Variants in STPG2 observed in about 807,000 individuals in gnomAD.
STPG2 encodes the protein sperm-tail PG-rich repeat-containing protein 2.
A neutral mutation model predicts 54.2 loss-of-function variants in STPG2; 56 were observed. The observed-to-expected ratio is 1.03, with a 90% CI of 0.83 to 1.29. STPG2 has a LOEUF of 1.29. STPG2 is among the 50% of genes most tolerant of loss of function. The probability of loss-of-function intolerance (pLI) is 0.00; values close to 1 mark genes in which losing one functional copy is unlikely to be tolerated. For synonymous variants in STPG2, 200 were observed against 181.8 expected, an observed-to-expected ratio of 1.10 and a Z score of -0.81; for missense variants, 596 against 544.9, an observed-to-expected ratio of 1.09 and a Z score of -0.93.
At chr4:97,810,279 C>A (rs1396348177) in intron 9 of STPG2, among the ~76,000 whole-genome samples, 2 of 152,000 alleles carry the variant, frequency 1.3e-5, no homozygotes, top group Non-Finnish European at 2.9e-5. Context: ...TCCTGGCCAA[C>A]ATGGTGAAAC....
At chr4:98,071,881 G>A (rs1394420200) in intron 5 of STPG2, among the ~76,000 whole-genome samples, 1 of 152,142 alleles carries the variant, frequency 6.6e-6, no homozygotes, top group African/African-American at 2.4e-5. Flanking sequence ...CAGTCAGAAT[G>A]GCAATCATTA....
intron 4 of STPG2, among the ~76,000 whole-genome samples, chr4:97,546,665 T>TA (rs1168985361): frequency 6.6e-6 from 1 of 152,124 alleles, no homozygotes; most frequent in East Asian, 1.9e-4. Flanking sequence ...CCAATGTTGC[T>TA]AAAAAACACT....
At chr4:98,121,870 C>T (rs1739691002) in intron 3 of STPG2, among the ~76,000 whole-genome samples, 1 of 152,000 alleles carries the variant, frequency 6.6e-6, no homozygotes, top group Admixed American at 6.6e-5. Flanking sequence ...TACAGGCGTG[C>T]ATCACCATGC....
At chr4:97,730,649 A>G (rs558712822) in intron 9 of STPG2, among the ~76,000 whole-genome samples, 89 of 152,322 alleles carry the variant, frequency 5.8e-4, no homozygotes, top group African/African-American at 2.0e-3. Flanking sequence ...CCTCTCTCAG[A>G]AATGCCAATG....
chr4:97,913,186 T>C (rs1731747109), intron 8 of STPG2, among the ~76,000 whole-genome samples: 1 of 152,202 alleles, frequency 6.6e-6, no homozygotes, highest in African/African-American at 2.4e-5. Context: ...ATAAATAAGC[T>C]GTCCTGGGAA....
intron 8 of STPG2, among the ~76,000 whole-genome samples, chr4:97,873,077 C>T (rs955469051): frequency 5.3e-5 from 8 of 151,294 alleles, no homozygotes; most frequent in African/African-American, 1.9e-4. Context: ...TACACATATA[C>T]GTATGTACAC....
rs182833298 is a variant in STPG2, at chr4:97,487,626, T to C, written c.462+225073A>G. Among the ~76,000 whole-genome samples, 635 of 151,656 alleles carry C rather than the reference T, an allele frequency of 4.2e-3. 3 individuals carry two copies. The highest frequency in any genetic ancestry group is 0.02 in the South Asian group (97 of 4,818). On this transcript the variant is annotated intron_variant, in intron 4 of 4. Transcript: ENST00000522676. ...TCAGAATATTTTTCTTTCTGAATGCTATGTAAAATGAGGCTTTTTACACTT... is the reference window on the plus strand; with the variant it reads ...TCAGAATATTTTTCTTTCTGAATGCCATGTAAAATGAGGCTTTTTACACTT...
At chr4:97,820,464 C>A (rs2149104185) in intron 9 of STPG2, among the ~76,000 whole-genome samples, 1 of 152,228 alleles carries the variant, frequency 6.6e-6, no homozygotes, top group South Asian at 2.1e-4. Context: ...GCAAAAACGA[C>A]AGTAGCTAGA....
intron 5 of STPG2, among the ~76,000 whole-genome samples, chr4:98,027,329 C>CA (rs1315551070): frequency 2.0e-5 from 3 of 152,154 alleles, no homozygotes; most frequent in African/African-American, 7.2e-5. Context: ...GTCTAGCCCA[C>CA]AAAGATTCAT....
intron 8 of STPG2, 81 bp from the exon 9 acceptor site, chr4:97,841,013 T>C: frequency 7.3e-7 from 1 of 1,362,824 alleles, no homozygotes; most frequent in South Asian, 1.4e-5. Context: ...ATGGTTACAG[T>C]AAGCAATGAA....
chr4:97,730,473 T>C (rs1724762539), intron 9 of STPG2, among the ~76,000 whole-genome samples: 1 of 152,298 alleles, frequency 6.6e-6, no homozygotes, highest in East Asian at 1.9e-4. Context: ...TATGGATGCA[T>C]GTGTTTTTTT....
chr4:97,691,324 T>C (rs1723355365), intron 10 of STPG2, among the ~76,000 whole-genome samples: 1 of 152,128 alleles, frequency 6.6e-6, no homozygotes, highest in Non-Finnish European at 1.5e-5. Context: ...AACTGTGCTG[T>C]TGTGGGGGCA....
intron 10 of STPG2, among the ~76,000 whole-genome samples, chr4:97,657,819 G>A: frequency 6.6e-6 from 1 of 152,148 alleles, no homozygotes; most frequent in East Asian, 1.9e-4. Flanking sequence ...AGAATGTTAT[G>A]CAAAGACATG....
chr4:97,840,422 A>G (rs2149121067), intron 9 of STPG2, among the ~76,000 whole-genome samples: 1 of 151,760 alleles, frequency 6.6e-6, no homozygotes, highest in East Asian at 1.9e-4. Flanking sequence ...AAATAACTTA[A>G]GTCTTTTACT....
At chr4:97,749,631 C>T (rs568316293) in intron 9 of STPG2, among the ~76,000 whole-genome samples, 1 of 151,774 alleles carries the variant, frequency 6.6e-6, no homozygotes, top group Non-Finnish European at 1.5e-5. Context: ...CGGAACAATG[C>T]CAAATTAGAA....
At chr4:97,510,714 G>C (rs1250262850) in intron 4 of STPG2, among the ~76,000 whole-genome samples, 1 of 152,052 alleles carries the variant, frequency 6.6e-6, no homozygotes, top group African/African-American at 2.4e-5. Flanking sequence ...CCTCACATGT[G>C]CAGTTCACAA....
intron 9 of STPG2, among the ~76,000 whole-genome samples, chr4:97,785,464 A>C (rs1443041921): frequency 6.6e-6 from 1 of 152,136 alleles, no homozygotes; most frequent in Non-Finnish European, 1.5e-5. Context: ...AGCATCTTCT[A>C]TTTCAAATTA....
chr4:97,886,389 A>T (rs979601239), intron 8 of STPG2, among the ~76,000 whole-genome samples: 1 of 152,212 alleles, frequency 6.6e-6, no homozygotes, highest in Non-Finnish European at 1.5e-5. Context: ...CAGGAACCAA[A>T]GATTTTAAAT....
chr4:97,858,039 C>A (rs1456859434), intron 8 of STPG2, among the ~76,000 whole-genome samples: 2 of 151,932 alleles, frequency 1.3e-5, no homozygotes, highest in Non-Finnish European at 2.9e-5. Context: ...AGCATACCTC[C>A]AAGATCTATA....
Sources: allele counts gnomAD v4.1 joint callset (sites outside exome capture counted in the v4.1 genomes callset), GRCh38; gene constraint gnomAD v4.1.1; transcripts MANE v1.5; gene names NCBI Gene and HGNC (gene_info 2026-07-23, HGNC 2026-07-21).